Variants in CSTPP1 observed in about 807,000 individuals in gnomAD.
CSTPP1 encodes UPF0705 protein C11orf49.
chr11:46,990,490 G>T, the CSTPP1 span, among the ~76,000 whole-genome samples: 1 of 152,058 alleles, frequency 6.6e-6, no homozygotes, highest in African/African-American at 2.4e-5. Flanking sequence ...TTTAAATGGG[G>T]TTATTTCGTT....
the CSTPP1 span, among the ~76,000 whole-genome samples, chr11:47,071,613 T>C: frequency 1.3e-5 from 2 of 152,158 alleles, no homozygotes; most frequent in Non-Finnish European, 2.9e-5. Context: ...AAATACTGGG[T>C]GAATAAAATA....
At chr11:47,114,424 C>T in the CSTPP1 span, among the ~76,000 whole-genome samples, 152,265 of 152,370 alleles carry the variant, frequency 1, 76,081 homozygotes, top group Middle Eastern at 1. Context: ...AGTGAATCTA[C>T]AAATTACTTT....
the CSTPP1 span, chr11:47,137,331 G>C: frequency 7.2e-7 from 1 of 1,390,638 alleles, no homozygotes; most frequent in Non-Finnish European, 9.5e-7. Flanking sequence ...TATATACAAG[G>C]AAAACCAAAC....
chr11:47,023,844 T>C, the CSTPP1 span, among the ~76,000 whole-genome samples: 1 of 152,242 alleles, frequency 6.6e-6, no homozygotes, highest in African/African-American at 2.4e-5. Flanking sequence ...ATTTTGCTTA[T>C]CTGTCATTAG....
At chr11:46,971,675 T>C in the CSTPP1 span, among the ~76,000 whole-genome samples, 28 of 152,200 alleles carry the variant, frequency 1.8e-4, no homozygotes, top group Admixed American at 1.8e-3. Flanking sequence ...CTGGGTGCAG[T>C]GGCTCACGCC....
chr11:47,103,833 C>A, the CSTPP1 span: 1 of 151,860 alleles, frequency 6.6e-6, no homozygotes, highest in Non-Finnish European at 1.5e-5. Context: ...TGTTACCACG[C>A]CCTGCTAATT....
chr11:47,059,305 C>T, the CSTPP1 span, among the ~76,000 whole-genome samples: 2 of 152,040 alleles, frequency 1.3e-5, no homozygotes, highest in African/African-American at 4.8e-5. Flanking sequence ...ACATCTATCC[C>T]GTTTTTTTTA....
At chr11:46,953,105 G>T in the CSTPP1 span, among the ~76,000 whole-genome samples, 1 of 152,134 alleles carries the variant, frequency 6.6e-6, no homozygotes, top group Non-Finnish European at 1.5e-5. Flanking sequence ...GATACCAGAT[G>T]CCTCAGAGAG....
At chr11:47,005,955 G>A in the CSTPP1 span, among the ~76,000 whole-genome samples, 1 of 152,014 alleles carries the variant, frequency 6.6e-6, no homozygotes, top group Non-Finnish European at 1.5e-5. Flanking sequence ...CTAGATACTA[G>A]GGATATAGCA....
At chr11:47,034,584 T>C in the CSTPP1 span, among the ~76,000 whole-genome samples, 2 of 151,726 alleles carry the variant, frequency 1.3e-5, no homozygotes, top group South Asian at 4.2e-4. Flanking sequence ...TCACACCACC[T>C]CGAATTCCTG....
At chr11:47,161,061 T>C in the CSTPP1 span, 1 of 1,596,946 alleles carries the variant, frequency 6.3e-7, no homozygotes, top group Non-Finnish European at 8.6e-7. Context: ...GTGAGGGGCA[T>C]GGAGGAATCT....
chr11:47,128,365 A>T, the CSTPP1 span, among the ~76,000 whole-genome samples: 2 of 152,162 alleles, frequency 1.3e-5, no homozygotes, highest in Admixed American at 6.5e-5. Context: ...TTAAATATTG[A>T]GATTCCTTAC....
At chr11:46,955,512 C>T in the CSTPP1 span, among the ~76,000 whole-genome samples, 101 of 151,854 alleles carry the variant, frequency 6.7e-4, no homozygotes, top group Non-Finnish European at 1.3e-3. Flanking sequence ...CACAGGTATG[C>T]GCCACCACAC....
the CSTPP1 span, among the ~76,000 whole-genome samples, chr11:47,059,557 AC>A: frequency 3.3e-5 from 5 of 152,196 alleles, no homozygotes; most frequent in Admixed American, 6.5e-5. Flanking sequence ...AATAAGGAAT[AC>A]GTTCTAAAAA....
the CSTPP1 span, among the ~76,000 whole-genome samples, chr11:47,050,250 A>T: frequency 6.6e-6 from 1 of 152,212 alleles, no homozygotes; most frequent in South Asian, 2.1e-4. Flanking sequence ...CTAGCTTCAA[A>T]GATACATTCT....
the CSTPP1 span, among the ~76,000 whole-genome samples, chr11:47,063,010 C>G: frequency 2.0e-5 from 3 of 152,304 alleles, no homozygotes; most frequent in Admixed American, 1.3e-4. Flanking sequence ...CCCTGCGCGT[C>G]TGTAGGCATT....
chr11:46,984,622 T>C, the CSTPP1 span, among the ~76,000 whole-genome samples: 1 of 152,144 alleles, frequency 6.6e-6, no homozygotes, highest in African/African-American at 2.4e-5. Context: ...ACTTTGATTT[T>C]TACTGCTCTG....
chr11:47,088,841 C>T, the CSTPP1 span, among the ~76,000 whole-genome samples: 3 of 151,950 alleles, frequency 2.0e-5, no homozygotes, highest in Admixed American at 1.3e-4. Context: ...CCACTGTGCC[C>T]GGCCAAATTT....
chr11:46,966,681 T>G, the CSTPP1 span, among the ~76,000 whole-genome samples: 2 of 152,214 alleles, frequency 1.3e-5, no homozygotes, highest in African/African-American at 4.8e-5. Context: ...TTAAGACAAC[T>G]TTCATGCTTT....
Sources: gnomAD v4.1 joint callset for allele counts (sites outside exome capture counted in the v4.1 genomes callset) on GRCh38, gnomAD v4.1.1 for gene constraint, MANE v1.5 for transcripts, NCBI Gene and HGNC (gene_info 2026-07-23, HGNC 2026-07-21) for gene names.